Variants in TIAM1 observed in about 807,000 individuals in gnomAD.
TIAM1 encodes the protein rho guanine nucleotide exchange factor TIAM1.
In TIAM1, 65 loss-of-function variants were observed where a neutral mutation model predicts 163.5. The ratio of observed to expected loss-of-function variants is 0.40; its 90% CI spans 0.33 to 0.49. The LOEUF is 0.49. Ranked by LOEUF, TIAM1 falls within the 20% of genes least tolerant of loss-of-function variation. The probability of loss-of-function intolerance (pLI) is 0.77; values close to 1 mark genes in which losing one functional copy is unlikely to be tolerated. For synonymous variants in TIAM1, 833 were observed against 810.1 expected (o/e 1.03, Z -0.48); for missense variants, 1,789 against 2,044.7 (o/e 0.87, Z 2.41).
At position 31,395,662 on chromosome 21, in the gene TIAM1, G is replaced by T. The variant is rs758301024; in HGVS notation, c.-368-56240C>A. On this transcript the variant is annotated intron_variant, in intron 2 of 28. Coordinates refer to the TIAM1 transcript ENST00000286827. The surrounding 1 kb of genome is among the most constrained non-coding windows in gnomAD (Gnocchi z 7.5). ...ATGGGGGTAGTAAAAGGTGCTGGAC[G>T]AGAGAATAAATATTGACTAAAACAT... 6.6e-6 allele frequency among the ~76,000 whole-genome samples: 1 copy of T among 152,188 alleles called. No homozygotes were observed. Among genetic ancestry groups the T allele is most frequent in the South Asian group, 2.1e-4 (1 of 4,828 alleles).
intron 2 of TIAM1, among the ~76,000 whole-genome samples, chr21:31,313,993 T>A (rs1173443192): frequency 6.6e-6 from 1 of 152,104 alleles, no homozygotes; most frequent in Non-Finnish European, 1.5e-5. Flanking sequence ...CTAATGGGAG[T>A]GTAAGATGTG....
At chr21:31,180,305 G>A (rs537656190) in intron 15 of TIAM1, among the ~76,000 whole-genome samples, 1 of 152,162 alleles carries the variant, frequency 6.6e-6, no homozygotes, top group Non-Finnish European at 1.5e-5. Context: ...CTTTACATCA[G>A]GGACAGCGAA....
rs1160642728 is a variant in TIAM1 at position 31,395,772 on chromosome 21, C to T, written c.-368-56350G>A. On this transcript the variant is annotated intron_variant, in intron 2 of 28. Coordinates refer to the TIAM1 transcript ENST00000286827. This position sits in a 1 kb window ranked among gnomAD's most constrained non-coding sequence, Gnocchi z 7.5. ...TAAATTGGGGAGGTTATTAAAAGGACGTGAGATGCATGGAATTAATGAACA... is the reference window on the plus strand; with the variant it reads ...TAAATTGGGGAGGTTATTAAAAGGATGTGAGATGCATGGAATTAATGAACA... Among the ~76,000 whole-genome samples the T allele has an allele frequency of 1.3e-4, 20 of 152,010 alleles. No homozygotes were observed. The highest frequency in any genetic ancestry group is 1.1e-3 in the Admixed American group (17 of 15,258).
intron 2 of TIAM1, among the ~76,000 whole-genome samples, chr21:31,335,180 C>T (rs1316554273): frequency 6.6e-6 from 1 of 152,168 alleles, no homozygotes; most frequent in Non-Finnish European, 1.5e-5. Flanking sequence ...GAGAAGCATC[C>T]ATCTCTTTAA....
chr21:31,246,148 T>C (rs2071489832), intron 5 of TIAM1, among the ~76,000 whole-genome samples: 2 of 152,124 alleles, frequency 1.3e-5, no homozygotes, highest in Non-Finnish European at 2.9e-5. Context: ...AAACAATATA[T>C]AATACCAGCG....
chr21:31,358,518 C>G (rs1304122115), intron 2 of TIAM1, among the ~76,000 whole-genome samples: 1 of 152,160 alleles, frequency 6.6e-6, no homozygotes, highest in Non-Finnish European at 1.5e-5. Context: ...TGGGTATCTT[C>G]CAGGTGCCTT....
chr21:31,184,339 CAG>C (rs2085179225), intron 14 of TIAM1, among the ~76,000 whole-genome samples: 2 of 152,198 alleles, frequency 1.3e-5, no homozygotes, highest in South Asian at 4.1e-4. Flanking sequence ...CTCCTCACCT[CAG>C]GTGATCCGCC....
chr21:31,303,787 A>C (rs200190331), intron 2 of TIAM1, among the ~76,000 whole-genome samples: 16 of 151,908 alleles, frequency 1.1e-4, no homozygotes, highest in Non-Finnish European at 2.2e-4. Flanking sequence ...AGACCAGCCT[A>C]GCCAACATAG....
chr21:31,358,070 C>G (rs1277444806), intron 2 of TIAM1, among the ~76,000 whole-genome samples: 1 of 152,194 alleles, frequency 6.6e-6, no homozygotes, highest in Non-Finnish European at 1.5e-5. Context: ...GACTTGCTGT[C>G]CAGCTACGGG....
At chr21:31,194,126 C>T (rs763876572) in intron 13 of TIAM1, among the ~76,000 whole-genome samples, 14 of 142,602 alleles carry the variant, frequency 9.8e-5, no homozygotes, top group Non-Finnish European at 1.8e-4. Context: ...GAGCTATTCT[C>T]CTTTCTCTTT....
chr21:31,194,999 A>C (rs955680742), intron 13 of TIAM1, among the ~76,000 whole-genome samples: 2 of 152,258 alleles, frequency 1.3e-5, no homozygotes, highest in African/African-American at 2.4e-5. Flanking sequence ...TTAGGACAGT[A>C]GAATCCCAGT....
chr21:31,555,888 C>T (rs2048859743), intron 1 of TIAM1, among the ~76,000 whole-genome samples: 1 of 152,102 alleles, frequency 6.6e-6, no homozygotes, highest in African/African-American at 2.4e-5. Context: ...AGTCGGCACA[C>T]TAGAACTGCA....
intron 27 of TIAM1, among the ~76,000 whole-genome samples, chr21:31,123,421 T>C (rs2082073333): frequency 6.6e-6 from 1 of 152,230 alleles, no homozygotes; most frequent in South Asian, 2.1e-4. Flanking sequence ...GAAAGACTCT[T>C]AGGATACATC....
rs2087940239 is a variant in TIAM1, at chr21:31,225,956, CCAGGAAGAAGGGG to C, written c.1585-19_1585-7del. The C allele has an allele frequency of 6.2e-7, 1 of 1,611,530 alleles. No homozygotes were observed. The highest frequency in any genetic ancestry group is 1.3e-5 in the African/African-American group (1 of 74,830). ...AGCTCCGTCTGGCTAGTGGTCTGTA[CCAGGAAGAAGGGG>C]CAGGAAGAAAAAGGCACCTCTTAGG... On this transcript the variant is annotated splice_region_variant and splice_polypyrimidine_tract_variant and intron_variant, in intron 6 of 27. Coordinates refer to ENST00000541036, the MANE Select transcript of TIAM1 (RefSeq NM_001353694.2).
intron 1 of TIAM1, among the ~76,000 whole-genome samples, chr21:31,484,644 T>C (rs1602392252): frequency 6.6e-6 from 1 of 152,182 alleles, no homozygotes; most frequent in Non-Finnish European, 1.5e-5. Flanking sequence ...TCCACAGCAC[T>C]GTGCATCCTG....
chr21:31,286,250 G>T (rs2073805173), intron 2 of TIAM1, among the ~76,000 whole-genome samples: 1 of 152,122 alleles, frequency 6.6e-6, no homozygotes, highest in African/African-American at 2.4e-5. Context: ...GCATTTTAAA[G>T]TTAATGATTT....
chr21:31,283,978 C>T (rs1249402820), intron 2 of TIAM1, among the ~76,000 whole-genome samples: 1 of 152,164 alleles, frequency 6.6e-6, no homozygotes, highest in Non-Finnish European at 1.5e-5. Flanking sequence ...GTTTCAGTCA[C>T]ATCAAAAAAG....
Position 31,251,781 on chromosome 21 carries a change from T to G in TIAM1, c.1372A>C (p.Thr458Pro). The G allele has an allele frequency of 6.2e-7, 1 of 1,607,708 alleles. No homozygotes were observed. Among genetic ancestry groups the G allele is most frequent in the South Asian group, 1.1e-5 (1 of 90,492 alleles). The change falls in exon 5 of 28, where the codon ACC (threonine) becomes CCC (proline). Residue 458 changes from threonine (T) to proline (P), a missense_variant. Around this residue, in one of 5 missense-constraint regions of TIAM1, gnomAD observed 456 missense variants for 586.6 expected, o/e 0.78. Coordinates refer to ENST00000541036, the MANE Select transcript of TIAM1 (RefSeq NM_001353694.2). The stretch of plus-strand genomic sequence containing the variant: ...CAGTAGTGCTTCCACTTCCTCCGGG[T>G]GGCTGACTCCACCTTCTTGTTCTTC... The part of the protein sequence containing the change: ...HKKNKKVESA[T>P]RRKWKHYWVS...
intron 1 of TIAM1, among the ~76,000 whole-genome samples, chr21:31,508,686 A>T (rs891524641): frequency 6.6e-6 from 1 of 152,098 alleles, no homozygotes; most frequent in African/African-American, 2.4e-5. Flanking sequence ...CACCGCGCCC[A>T]GACTCATCTT....
Sources: gnomAD v4.1 joint callset for allele counts (sites outside exome capture counted in the v4.1 genomes callset) on GRCh38, gnomAD v4.1.1 for gene constraint, gnomAD v4.1.1 regional missense constraint, Gnocchi (gnomAD v3.1) non-coding constraint, MANE v1.5 for transcripts, NCBI Gene and HGNC (gene_info 2026-07-23, HGNC 2026-07-21) for gene names.